The following DEPDC1B variants were observed in gnomAD, a reference collection of about 807,000 sequenced individuals.
DEPDC1B encodes DEP domain-containing protein 1B.
A neutral mutation model predicts 66.5 loss-of-function variants in DEPDC1B; 51 were observed. That is an observed-to-expected ratio of 0.77 (90% CI 0.61 to 0.97). The LOEUF (loss-of-function observed/expected upper bound fraction) is 0.97, where lower values mean the gene tolerates loss of function less well. Among genes scored for constraint, DEPDC1B ranks in the 50% least tolerant of loss-of-function variants. The pLI is 0.00. For missense variants in DEPDC1B, 552 were observed against 637.1 expected (o/e 0.87, Z 1.44); for synonymous variants, 226 against 223.6 (o/e 1.01, Z -0.10).
At position 60,699,904 on chromosome 5, in the gene DEPDC1B, G is replaced by A. The variant is rs1179664488; in HGVS notation, c.48+142C>T. 6.0e-6 allele frequency: 6 copies of A among 998,322 alleles called. No individual in the cohort carries two copies. In the East Asian group the frequency reaches 1.7e-4, roughly 28 times the overall value. The allele number at this position is 998,322 out of a possible 1,614,324, so 61.8% of individuals were successfully genotyped here. A position where few individuals can be genotyped will look rare whatever the true frequency, so the allele number is the denominator to read the frequency against. ...TTTGAGGCTCGTCCACTAAAAGGCA[G>A]CCCCAGTAGTCCCAGCTGAAATGCT... On this transcript the variant is annotated intron_variant, in intron 1 of 10. Coordinates refer to ENST00000265036, the MANE Select transcript of DEPDC1B (RefSeq NM_018369.3).
rs1230322513 is a variant in DEPDC1B, at chr5:60,700,036, ACT to A, written c.48+8_48+9del. The A allele has an allele frequency of 6.4e-7, 1 of 1,553,764 alleles. No individual in the cohort carries two copies. Among genetic ancestry groups the A allele is most frequent in the African/African-American group, 1.4e-5 (1 of 73,160 alleles). On this transcript the variant is annotated splice_region_variant and intron_variant, in intron 1 of 10. Coordinates refer to ENST00000265036, the MANE Select transcript of DEPDC1B (RefSeq NM_018369.3). Reference sequence around the variant, plus strand: ...GGGTGCTCCGCCCAGGCCCCAGCACACTCACTCACCAGCCTGGTAGCTCGGTA... The same window carrying A: ...GGGTGCTCCGCCCAGGCCCCAGCACACACTCACCAGCCTGGTAGCTCGGTA...
rs11560180 is a variant in DEPDC1B at position 60,618,081 on chromosome 5, T to C, written c.899-12225A>G. On this transcript the variant is annotated intron_variant, in intron 7 of 10. Coordinates refer to ENST00000265036, the MANE Select transcript of DEPDC1B (RefSeq NM_018369.3). ...TGAAGGCAGAAATAAAGATATTCTT[T>C]GAAACCAATGAGAACAAAGACAAAA... 5.4e-4 allele frequency among the ~76,000 whole-genome samples: 82 copies of C among 152,340 alleles called. No individual in the cohort carries two copies. In the East Asian group the frequency reaches 0.013, roughly 24 times the overall value.
intron 2 of DEPDC1B, among the ~76,000 whole-genome samples, chr5:60,652,226 A>T (rs1410627530): frequency 6.7e-6 from 1 of 149,582 alleles, no homozygotes; most frequent in Non-Finnish European, 1.5e-5. Context: ...AAATGGTGGC[A>T]TTAGCATGAT....
chr5:60,648,054 C>A (rs933170168), intron 2 of DEPDC1B: 1 of 152,142 alleles, frequency 6.6e-6, no homozygotes, highest in African/African-American at 2.4e-5. Context: ...AACGAGAGTA[C>A]TGAAGGAAAC....
chr5:60,614,481 C>T (rs991593820), intron 7 of DEPDC1B, among the ~76,000 whole-genome samples: 1 of 152,138 alleles, frequency 6.6e-6, no homozygotes, highest in African/African-American at 2.4e-5. Context: ...TGCCCCAACA[C>T]CCTGCTAATC....
chr5:60,676,530 C>T (rs1324883880), intron 2 of DEPDC1B, among the ~76,000 whole-genome samples: 1 of 152,134 alleles, frequency 6.6e-6, no homozygotes, highest in Non-Finnish European at 1.5e-5. Flanking sequence ...TAAGAAATTC[C>T]ACCAAATGTA....
At chr5:60,679,576 T>C (rs928921471) in intron 2 of DEPDC1B, among the ~76,000 whole-genome samples, 1 of 151,974 alleles carries the variant, frequency 6.6e-6, no homozygotes, top group Non-Finnish European at 1.5e-5. Context: ...AAAAAAGGAA[T>C]GAGACAGGCA....
intron 6 of DEPDC1B, among the ~76,000 whole-genome samples, chr5:60,640,021 T>G (rs1473967370): frequency 6.6e-6 from 1 of 152,192 alleles, no homozygotes; most frequent in African/African-American, 2.4e-5. Context: ...TTCTGGGTCT[T>G]TACATTTCAA....
intron 7 of DEPDC1B, among the ~76,000 whole-genome samples, chr5:60,612,132 G>A (rs563713959): frequency 2.6e-5 from 4 of 152,184 alleles, no homozygotes; most frequent in African/African-American, 9.6e-5. Flanking sequence ...TAAGAATTAT[G>A]CTACATCTGG....
intron 2 of DEPDC1B, among the ~76,000 whole-genome samples, chr5:60,657,805 T>C (rs527746933): frequency 6.6e-6 from 1 of 152,346 alleles, no homozygotes; most frequent in African/African-American, 2.4e-5. Flanking sequence ...TCCCAGATGT[T>C]CTTTGAGCTT....
At chr5:60,620,978 T>C (rs1027775020) in intron 7 of DEPDC1B, among the ~76,000 whole-genome samples, 7 of 152,148 alleles carry the variant, frequency 4.6e-5, no homozygotes, top group Non-Finnish European at 1.0e-4. Flanking sequence ...AATGAGTTCA[T>C]GTGCTTTGTA....
chr5:60,637,542 A>G (rs770266552), intron 7 of DEPDC1B, among the ~76,000 whole-genome samples: 50 of 152,230 alleles, frequency 3.3e-4, no homozygotes, highest in Non-Finnish European at 4.9e-4. Flanking sequence ...CTCTATAGCA[A>G]TGCAATTCCT....
chr5:60,699,786 G>A (rs1754742079), intron 1 of DEPDC1B, among the ~76,000 whole-genome samples: 1 of 152,180 alleles, frequency 6.6e-6, no homozygotes, highest in Admixed American at 6.5e-5. Context: ...TAAACAGAGA[G>A]GCGCCATCTA....
Position 60,687,201 on chromosome 5 carries a change from A to C in DEPDC1B, c.75T>G (p.Arg25=), listed in dbSNP as rs1359417406. Residue 25 remains arginine (R), a synonymous_variant, in exon 2 of 11, where the codon CGT becomes CGG. Coordinates refer to ENST00000265036, the MANE Select transcript of DEPDC1B (RefSeq NM_018369.3). ...GATGTTTCCGTAACGGCATCTTAGC[A>C]CGAAAAAGCTCCACGGTCTCATTCC... ...RLWNETVELF[R]AKMPLRKHRC... The C allele has an allele frequency of 3.7e-6, 6 of 1,612,516 alleles. No individual in the cohort carries two copies. The South Asian group carries it at 6.6e-5, about 18-fold the overall frequency.
intron 2 of DEPDC1B, among the ~76,000 whole-genome samples, chr5:60,662,082 T>C (rs934155357): frequency 6.6e-5 from 10 of 152,090 alleles, no homozygotes; most frequent in African/African-American, 2.4e-4. Context: ...CTCAGTCAGC[T>C]GCAGACATTA....
At chr5:60,616,326 A>G (rs1231456258) in intron 7 of DEPDC1B, among the ~76,000 whole-genome samples, 1 of 152,218 alleles carries the variant, frequency 6.6e-6, no homozygotes, top group Non-Finnish European at 1.5e-5. Flanking sequence ...AGAAGGCTTC[A>G]GATGATCAAA....
intron 7 of DEPDC1B, among the ~76,000 whole-genome samples, chr5:60,623,207 T>A (rs72755149): frequency 0.11 from 16,028 of 152,160 alleles, 887 homozygotes; most frequent in Middle Eastern, 0.13. Context: ...CCATAATAGA[T>A]ATCCAGTTGT....
intron 2 of DEPDC1B, among the ~76,000 whole-genome samples, chr5:60,667,670 ATATTTTACATGTAT>A: frequency 7.0e-6 from 1 of 143,026 alleles, no homozygotes; most frequent in South Asian, 2.3e-4. Context: ...TATATAATGG[ATATTTTACATGTAT>A]ATAATGGATA....
At chr5:60,617,854 C>T (rs1194864659) in intron 7 of DEPDC1B, among the ~76,000 whole-genome samples, 1 of 152,182 alleles carries the variant, frequency 6.6e-6, no homozygotes, top group Non-Finnish European at 1.5e-5. Flanking sequence ...AGCACCACAC[C>T]ACTCCTATTC....
Sources: gnomAD v4.1 joint callset for allele counts (sites outside exome capture counted in the v4.1 genomes callset) on GRCh38, gnomAD v4.1.1 for gene constraint, MANE v1.5 for transcripts, NCBI Gene and HGNC (gene_info 2026-07-23, HGNC 2026-07-21) for gene names.